The following TPO variants were observed in gnomAD, a reference collection of about 807,000 sequenced individuals.
TPO encodes thyroid peroxidase, also known as thyroid microsomal antigen.
In TPO, 78 loss-of-function variants were observed where a neutral mutation model predicts 96.9. The observed-to-expected ratio is 0.81, with a 90% CI of 0.67 to 0.97. TPO has a LOEUF of 0.97. Among genes scored for constraint, TPO ranks in the 50% least tolerant of loss-of-function variants. TPO has a pLI of 0.00. For synonymous variants in TPO, 547 were observed against 538.0 expected (o/e 1.02, Z -0.23); for missense variants, 1,252 against 1,274.8 (o/e 0.98, Z 0.27).
intron 14 of TPO, among the ~76,000 whole-genome samples, chr2:1,506,591 T>G (rs1034253866): frequency 1.3e-5 from 2 of 152,212 alleles, no homozygotes; most frequent in African/African-American, 4.8e-5. Context: ...TGGTGTGAGA[T>G]GGTATCTCAT....
At chr2:1,443,740 G>T (rs13006647) in intron 5 of TPO, among the ~76,000 whole-genome samples, 1 of 42,932 alleles carries the variant, frequency 2.3e-5, no homozygotes, top group East Asian at 9.5e-4. Flanking sequence ...TCATTGCTGC[G>T]GGAGGCACCA....
At position 1,383,178 on chromosome 2, in the gene TPO, A is replaced by G. The variant is rs1249354261; in HGVS notation, n.180+8776A>G. Among the ~76,000 whole-genome samples the G allele has an allele frequency of 3.3e-5, 5 of 152,158 alleles. No individual in the cohort carries two copies. The East Asian group carries it at 7.7e-4, about 23-fold the overall frequency. ...CTTTGCTATTGTGAGTAGTGCCGCA[A>G]TAAACACAAGTGTGCGTGTGTCTTT... is the stretch of plus-strand genomic sequence containing the variant. On this transcript the variant is annotated intron_variant and non_coding_transcript_variant, in intron 1 of 5. Transcript: ENST00000497517.
chr2:1,525,519 T>C (rs1307256491), intron 15 of TPO, among the ~76,000 whole-genome samples: 7 of 60,986 alleles, frequency 1.1e-4, no homozygotes, highest in South Asian at 7.0e-4. Flanking sequence ...TACAACCTCC[T>C]CAAATCCCCC....
At chr2:1,502,868 C>T (rs945582285) in intron 13 of TPO, among the ~76,000 whole-genome samples, 4 of 152,222 alleles carry the variant, frequency 2.6e-5, no homozygotes, top group African/African-American at 9.6e-5. Flanking sequence ...AGAAAACCAG[C>T]ATGGGCCAAG....
intron 1 of TPO, among the ~76,000 whole-genome samples, chr2:1,397,224 C>G (rs1662095430): frequency 1.3e-5 from 2 of 152,296 alleles, no homozygotes; most frequent in South Asian, 4.1e-4. Context: ...TTATATTTGC[C>G]ACAGTATCTT....
chr2:1,534,105 C>A lies in TPO; in HGVS notation c.2619-6489C>A, dbSNP rs1381284673. Among the ~76,000 whole-genome samples the A allele has an allele frequency of 3.1e-5, 3 of 96,396 alleles. 1 individual carries two copies. Among genetic ancestry groups the A allele is most frequent in the Non-Finnish European group, 2.2e-5 (1 of 45,840 alleles). 63.2% of individuals were successfully genotyped at this position (96,396 alleles called of 152,430 possible). A position where few individuals can be genotyped will look rare whatever the true frequency, so the allele number is the denominator to read the frequency against. Reference sequence around the variant, plus strand: ...ACTCTGTGCAACCTCCCCAAAACGCCCCCACTCTGTGCAACCTCCCCAAAT... The same window carrying A: ...ACTCTGTGCAACCTCCCCAAAACGCACCCACTCTGTGCAACCTCCCCAAAT... On this transcript the variant is annotated intron_variant, in intron 15 of 16. Coordinates refer to ENST00000329066, the MANE Select transcript of TPO (RefSeq NM_001206744.2).
At chr2:1,398,771 G>A (rs999552815) in intron 1 of TPO, among the ~76,000 whole-genome samples, 12 of 152,182 alleles carry the variant, frequency 7.9e-5, no homozygotes, top group African/African-American at 2.9e-4. Flanking sequence ...TGGGGCCAAG[G>A]CTCTCCTTGC....
intron 15 of TPO, among the ~76,000 whole-genome samples, chr2:1,530,938 T>TC (rs1388532230): frequency 5.6e-5 from 2 of 35,474 alleles, no homozygotes; most frequent in Non-Finnish European, 1.0e-4. Flanking sequence ...CCTCCCCAAA[T>TC]CCCCCCACTA....
intron 5 of TPO, among the ~76,000 whole-genome samples, chr2:1,451,790 C>CA (rs1406172440): frequency 7.3e-5 from 11 of 150,606 alleles, no homozygotes; most frequent in African/African-American, 1.5e-4. Context: ...CTTTTTTCCA[C>CA]AAAAAATTTC....
intron 1 of TPO, among the ~76,000 whole-genome samples, chr2:1,381,423 C>T (rs936388894): frequency 1.3e-5 from 2 of 152,160 alleles, no homozygotes; most frequent in African/African-American, 4.8e-5. Context: ...GACTTTTAAA[C>T]AATCAGATCT....
intron 14 of TPO, among the ~76,000 whole-genome samples, chr2:1,505,380 A>C (rs1030409062): frequency 2.6e-5 from 2 of 77,046 alleles, no homozygotes; most frequent in African/African-American, 5.3e-5. Context: ...TGTCAGGCAC[A>C]CCCCACCAGC....
rs1281831464 is a variant in TPO, at chr2:1,464,018, C to T, written c.819+7736C>T. Among the ~76,000 whole-genome samples, 3 of 152,150 alleles carry T rather than the reference C, an allele frequency of 2.0e-5. No homozygotes were observed. The South Asian group carries it at 6.2e-4, about 32-fold the overall frequency. On this transcript the variant is annotated intron_variant, in intron 7 of 16. Transcript: ENST00000329066. ...TCACCCAAGCAGTATACACTGAACACAATTTGTAGCTTTTTATCTCTCACT... is the reference window on the plus strand; with the variant it reads ...TCACCCAAGCAGTATACACTGAACATAATTTGTAGCTTTTTATCTCTCACT...
chr2:1,476,949 T>G (rs1670002994), intron 7 of TPO, 137 bp from the exon 8 acceptor site: 1 of 1,147,884 alleles, frequency 8.7e-7, no homozygotes, highest in African/African-American at 1.6e-5. Flanking sequence ...GGGGACTGGC[T>G]GGACTGACCC....
chr2:1,478,273 C>G (rs1258735694), intron 8 of TPO: 1 of 985,310 alleles, frequency 1.0e-6, no homozygotes, highest in Non-Finnish European at 1.2e-6. Context: ...CGGTCCCTGA[C>G]TCTAGGGGTC....
intron 5 of TPO, 57 bp downstream of exon 5, chr2:1,436,441 G>A (rs1466441922): frequency 1.9e-6 from 3 of 1,611,794 alleles, no homozygotes; most frequent in African/African-American, 1.3e-5. Flanking sequence ...AACATGACTA[G>A]ATGCCATCAT....
At chr2:1,386,498 T>C (rs571902116) in intron 1 of TPO, among the ~76,000 whole-genome samples, 1 of 152,366 alleles carries the variant, frequency 6.6e-6, no homozygotes, top group South Asian at 2.1e-4. Context: ...TCTTTGTTGG[T>C]TTAAAGTCTG....
intron 16 of TPO, 91 bp downstream of exon 16, chr2:1,540,814 ATATTTCTGTTTACTCCGTGTT>A: frequency 6.2e-7 from 1 of 1,605,766 alleles, no homozygotes; most frequent in Non-Finnish European, 8.5e-7. Context: ...GGCTCCCTGC[ATATTTCTGTTTACTCCGTGTT>A]TCCTAGTCCG....
intron 1 of TPO, 154 bp downstream of exon 1, chr2:1,413,699 T>C (rs1032952080): frequency 1.0e-6 from 1 of 985,688 alleles, no homozygotes; most frequent in Non-Finnish European, 1.2e-6. Context: ...ATGAGTGCTG[T>C]TTGCAATGAC....
chr2:1,495,845 AC>A, intron 11 of TPO, 143 bp from the exon 12 acceptor site: 1 of 900,068 alleles, frequency 1.1e-6, no homozygotes, highest in Admixed American at 2.1e-5. Flanking sequence ...CAGCGCCTGC[AC>A]CTGTGTGGCC....
Sources: gnomAD v4.1 joint callset for allele counts (sites outside exome capture counted in the v4.1 genomes callset) on GRCh38, gnomAD v4.1.1 for gene constraint, MANE v1.5 for transcripts, NCBI Gene and HGNC (gene_info 2026-07-23, HGNC 2026-07-21) for gene names.